The following CCT2 variants were observed in gnomAD, a reference collection of about 807,000 sequenced individuals.
CCT2 encodes the protein chaperonin containing TCP1 subunit 2.
A neutral mutation model predicts 61.8 loss-of-function variants in CCT2; 18 were observed. That is an observed-to-expected ratio of 0.29 (90% CI 0.20 to 0.43). The LOEUF is 0.43. Among genes scored for constraint, CCT2 ranks in the 20% least tolerant of loss-of-function variants. The pLI is 1.00. For synonymous variants in CCT2, 248 were observed against 215.9 expected, an observed-to-expected ratio of 1.15 and a Z score of -1.30; for missense variants, 556 against 656.9, an observed-to-expected ratio of 0.85 and a Z score of 1.68.
chr12:69,589,633 A>G lies in CCT2; in HGVS notation c.595A>G (p.Ile199Val), dbSNP rs755027301. 4 of 1,613,996 alleles carry G rather than the reference A, an allele frequency of 2.5e-6. No individual in the cohort carries two copies. Among genetic ancestry groups the G allele is most frequent in the African/African-American group, 1.3e-5 (1 of 75,054 alleles). The change falls in exon 7 of 16, where the codon ATT becomes GTT. Residue 199 changes from isoleucine (I) to valine (V), a missense_variant. Transcript: ENST00000299300. ...RLKGSGNLEA[I>V]HIIKKLGGSL... ...GAAAGGCTCTGGCAACCTGGAGGCA[A>G]TTCATATTATCAAGAAGCTAGGAGG...
At chr12:69,597,381 C>T in intron 11 of CCT2, 106 bp downstream of exon 11, 4 of 1,354,248 alleles carry the variant, frequency 3.0e-6, no homozygotes, top group Non-Finnish European at 4.1e-6. Flanking sequence ...CAAGTCTTAA[C>T]TCTTCAGAAG....
intron 15 of CCT2, among the ~76,000 whole-genome samples, chr12:69,600,408 A>C (rs1392864726): frequency 6.6e-6 from 1 of 152,226 alleles, no homozygotes; most frequent in Non-Finnish European, 1.5e-5. Flanking sequence ...CCTCACCCAC[A>C]GTTGAAATAA....
At chr12:69,594,846 TA>T (rs67999092) in intron 10 of CCT2, among the ~76,000 whole-genome samples, 5,597 of 140,162 alleles carry the variant, frequency 0.04, 231 homozygotes, top group East Asian at 0.15. Flanking sequence ...ACCCTGTCTT[TA>T]AAAAAAAAAA....
chr12:69,597,729 G>A lies in CCT2; in HGVS notation c.1194G>A (p.Ala398=), dbSNP rs201943895. The change falls in exon 12 of 16, where the codon GCG becomes GCA. Residue 398 remains alanine, a synonymous_variant. Coordinates refer to ENST00000299300, the MANE Select transcript of CCT2 (RefSeq NM_006431.3). ...TGCATGATGCTCTTTGTGTTCTTGC[G>A]CAAACTGTAAAGGACTCTAGAACAG... is the stretch of plus-strand genomic sequence containing the variant. The part of the protein sequence containing the change: ...RSLHDALCVL[A]QTVKDSRTVY... 19 of 1,613,384 alleles carry A rather than the reference G, an allele frequency of 1.2e-5. No homozygotes were observed. The highest frequency in any genetic ancestry group is 2.7e-5 in the African/African-American group (2 of 75,004).
intron 14 of CCT2, among the ~76,000 whole-genome samples, chr12:69,598,689 A>G (rs1407297542): frequency 6.6e-6 from 1 of 152,236 alleles, no homozygotes; most frequent in African/African-American, 2.4e-5. Context: ...TTAAATATAA[A>G]CAATACTTAC....
rs1881850627 is a variant in CCT2 at position 69,592,080 on chromosome 12, T to C, written c.671T>C (p.Ile224Thr). 8 of 1,591,172 alleles carry C rather than the reference T, an allele frequency of 5.0e-6. No individual in the cohort carries two copies. Among genetic ancestry groups the C allele is most frequent in the East Asian group, 2.2e-5 (1 of 44,732 alleles). Residue 224 changes from isoleucine (I) to threonine (T), a missense_variant, in exon 8 of 16, where the codon ATT becomes ACT. Coordinates refer to ENST00000299300, the MANE Select transcript of CCT2 (RefSeq NM_006431.3). ...LDEGFLLDKK[I>T]GVNQPKRIEN... ...GTAGGCTTCCTGTTGGATAAAAAAA[T>C]TGGAGTAAATCAACCAAAACGAATT... is the stretch of plus-strand genomic sequence containing the variant.
At chr12:69,592,855 C>T (rs751675947) in intron 8 of CCT2, 121 bp from the exon 9 acceptor site, 283 of 781,996 alleles carry the variant, frequency 3.6e-4, no homozygotes, top group Non-Finnish European at 5.0e-4. Context: ...TTGAACCCAG[C>T]GGGTGGAGGT....
In CCT2 at chr12:69,593,005, T is replaced by C. The variant is rs201962311; in HGVS notation, c.780T>C (p.Ser260=). The C allele has an allele frequency of 2.5e-5, 41 of 1,613,736 alleles. No homozygotes were observed. The Middle Eastern group carries it at 6.6e-4, about 26-fold the overall frequency. Residue 260 remains serine, a synonymous_variant, in exon 9 of 16, where the codon TCT becomes TCC. Transcript: ENST00000299300. The part of the protein sequence containing the change: ...KIFGSRVRVD[S]TAKVAEIEHA... ...TTGGTTCCCGGGTAAGAGTTGACTC[T>C]ACAGCAAAGGTTGCAGAAATAGAAC...
intron 10 of CCT2, among the ~76,000 whole-genome samples, chr12:69,595,779 C>T (rs910809295): frequency 6.8e-6 from 1 of 146,602 alleles, no homozygotes; most frequent in Admixed American, 6.8e-5. Context: ...TGAAATTGCT[C>T]TATACCCAGA....
intron 10 of CCT2, among the ~76,000 whole-genome samples, chr12:69,593,828 T>C (rs545542594): frequency 5.3e-5 from 8 of 152,294 alleles, no homozygotes; most frequent in African/African-American, 1.9e-4. Flanking sequence ...TTTCTTTCAT[T>C]GTGTCACTGT....
In CCT2 at chr12:69,599,895, A is replaced by C; in HGVS notation, c.1468A>C (p.Ile490Leu). 6 of 1,613,810 alleles carry C rather than the reference A, an allele frequency of 3.7e-6. No homozygotes were observed. Among genetic ancestry groups the C allele is most frequent in the South Asian group, 2.2e-5 (2 of 91,048 alleles). The stretch of plus-strand genomic sequence containing the variant: ...GGAAGGCACCATTGGAGATATGGCT[A>C]TCCTGGGTATAACAGAAAGTTTTCA... ...MREGTIGDMA[I>L]LGITESFQVK... is the part of the protein sequence containing the mutation. The change falls in exon 15 of 16, where the codon ATC becomes CTC. Residue 490 changes from isoleucine (I) to leucine (L), a missense_variant. Ile to Leu is a conservative substitution (Grantham distance 5). Around this residue, in one of 3 missense-constraint regions of CCT2, gnomAD observed 225 missense variants for 249.8 expected, o/e 0.90. Transcript: ENST00000299300.
chr12:69,599,386 TTTTA>T (rs972324321), intron 14 of CCT2, among the ~76,000 whole-genome samples: 1 of 150,652 alleles, frequency 6.6e-6, no homozygotes, highest in African/African-American at 2.4e-5. Flanking sequence ...GCCCCTTTTA[TTTTA>T]TTTATTTATT....
At position 69,593,010 on chromosome 12, in the gene CCT2, C is replaced by T. The variant is rs778655085; in HGVS notation, c.785C>T (p.Ala262Val). Residue 262 changes from alanine to valine, a missense_variant, in exon 9 of 16, where the codon GCA (alanine) becomes GTA (valine). Transcript: ENST00000299300. ...FGSRVRVDST[A>V]KVAEIEHAEK... ...TCCCGGGTAAGAGTTGACTCTACAG[C>T]AAAGGTTGCAGAAATAGAACATGCG... The T allele has an allele frequency of 2.5e-6, 4 of 1,613,128 alleles. No individual in the cohort carries two copies. The South Asian group carries it at 4.4e-5, about 18-fold the overall frequency.
intron 8 of CCT2, 25 bp downstream of exon 8, chr12:69,592,184 T>C (rs1326207971): frequency 1.5e-6 from 2 of 1,321,108 alleles, no homozygotes; most frequent in East Asian, 4.6e-5. Flanking sequence ...TTTTTAAAAA[T>C]TAAAATTACT....
At chr12:69,587,423 C>T in intron 3 of CCT2, 82 bp from the exon 4 acceptor site, 1 of 793,780 alleles carries the variant, frequency 1.3e-6, no homozygotes, top group South Asian at 1.5e-5. Context: ...TATACACTAG[C>T]ACTGTGTGAG....
chr12:69,597,419 T>C (rs1182168693), intron 11 of CCT2, 144 bp downstream of exon 11: 4 of 1,156,728 alleles, frequency 3.5e-6, no homozygotes, highest in Non-Finnish European at 4.9e-6. Context: ...TTCAGTCTCT[T>C]GAGTCAACCT....
intron 6 of CCT2, chr12:69,589,251 AC>A: frequency 1.9e-6 from 1 of 531,414 alleles, no homozygotes; most frequent in South Asian, 2.1e-5. Context: ...CCAACATTAG[AC>A]TTTTGCATGC....
At chr12:69,597,906 G>GT in intron 12 of CCT2, 62 bp from the exon 13 acceptor site, 1 of 1,463,670 alleles carries the variant, frequency 6.8e-7, no homozygotes, top group African/African-American at 1.4e-5. Context: ...CTTAAAGTCA[G>GT]TAATTCAGTA....
chr12:69,600,031 A>G (rs779866227), intron 15 of CCT2, 27 bp downstream of exon 15: 18 of 1,580,646 alleles, frequency 1.1e-5, no homozygotes, highest in East Asian at 6.8e-5. Flanking sequence ...CTCAGAAAAA[A>G]TTACTAACAG....
Sources: allele counts gnomAD v4.1 joint callset (sites outside exome capture counted in the v4.1 genomes callset), GRCh38; gene constraint gnomAD v4.1.1; regional missense constraint gnomAD v4.1.1; transcripts MANE v1.5; gene names NCBI Gene and HGNC (gene_info 2026-07-23, HGNC 2026-07-21).